Variants in COL25A1 observed in about 807,000 individuals in gnomAD.
COL25A1 encodes collagen type XXV alpha 1 chain.
COL25A1 carries 103 observed loss-of-function variants against 128.4 expected under a neutral mutation model. The ratio of observed to expected loss-of-function variants is 0.80; its 90% CI spans 0.68 to 0.94. The LOEUF (loss-of-function observed/expected upper bound fraction) is 0.94. Ranked by LOEUF, COL25A1 falls within the 40% of genes least tolerant of loss-of-function variation. COL25A1 has a pLI of 0.00. For synonymous variants in COL25A1, 279 were observed against 277.2 expected (o/e 1.01, Z -0.06); for missense variants, 745 against 840.0 (o/e 0.89, Z 1.40).
chr4:109,246,722 C>T (rs1261320775), intron 3 of COL25A1, among the ~76,000 whole-genome samples: 1 of 151,746 alleles, frequency 6.6e-6, no homozygotes, highest in Admixed American at 6.6e-5. Context: ...CTTTTTCTTA[C>T]CTATTCTGTG....
intron 3 of COL25A1, among the ~76,000 whole-genome samples, chr4:109,161,949 A>C (rs1003725807): frequency 6.6e-6 from 1 of 152,222 alleles, no homozygotes; most frequent in African/African-American, 2.4e-5. Flanking sequence ...CTAGTGAATC[A>C]TTCGGCAGCG....
At chr4:109,100,089 T>C (rs955929474) in intron 3 of COL25A1, among the ~76,000 whole-genome samples, 2 of 152,152 alleles carry the variant, frequency 1.3e-5, no homozygotes, top group African/African-American at 2.4e-5. Flanking sequence ...GGCACATCCA[T>C]ACACTGCTGT....
chr4:108,903,278 C>T (rs1743072646), intron 13 of COL25A1, among the ~76,000 whole-genome samples: 1 of 151,906 alleles, frequency 6.6e-6, no homozygotes, highest in Admixed American at 6.6e-5. Context: ...CCCCATCACT[C>T]TATAATAATT....
intron 5 of COL25A1, among the ~76,000 whole-genome samples, chr4:109,033,095 G>C (rs794145): frequency 0.51 from 77,017 of 152,188 alleles, 21,675 homozygotes; most frequent in African/African-American, 0.74. Context: ...GCAATCTTTT[G>C]AAAGCTTTTG....
intron 24 of COL25A1, among the ~76,000 whole-genome samples, chr4:108,858,416 G>T (rs1736769046): frequency 6.6e-6 from 1 of 152,086 alleles, no homozygotes; most frequent in Admixed American, 6.5e-5. Context: ...TTTGAAAAAG[G>T]AAATAGCAGC....
chr4:108,920,679 A>C, intron 11 of COL25A1, 75 bp from the exon 12 acceptor site: 1 of 954,830 alleles, frequency 1.0e-6, no homozygotes, highest in East Asian at 2.6e-5. Context: ...AAACTGTCCT[A>C]TTCTCTAAGA....
Position 108,817,834 on chromosome 4 carries a change from G to A in COL25A1, c.1924-399C>T, listed in dbSNP as rs28593505. On this transcript the variant is annotated intron_variant, in intron 36 of 37. Coordinates refer to ENST00000399132, the MANE Select transcript of COL25A1 (RefSeq NM_198721.4). ...CTCTTCCCGGTCACTATTAGACTATGGCTGAATTCATGATAATGATGAATA... is the reference window on the plus strand; with the variant it reads ...CTCTTCCCGGTCACTATTAGACTATAGCTGAATTCATGATAATGATGAATA... Among the ~76,000 whole-genome samples the A allele has an allele frequency of 4.4e-3, 664 of 152,052 alleles. 1 individual carries two copies. The highest frequency in any genetic ancestry group is 0.015 in the African/African-American group (628 of 41,494).
At chr4:109,100,518 T>C (rs920325286) in intron 3 of COL25A1, among the ~76,000 whole-genome samples, 2 of 152,138 alleles carry the variant, frequency 1.3e-5, no homozygotes, top group African/African-American at 4.8e-5. Flanking sequence ...ATTTTCATGC[T>C]GTCTGTGGGT....
At chr4:108,821,001 T>C (rs1731720641) in intron 35 of COL25A1, among the ~76,000 whole-genome samples, 1 of 152,182 alleles carries the variant, frequency 6.6e-6, no homozygotes, top group East Asian at 1.9e-4. Context: ...CTCAAAATAC[T>C]ATACAATACA....
chr4:109,132,988 G>A (rs1405938501), intron 3 of COL25A1, among the ~76,000 whole-genome samples: 1 of 151,942 alleles, frequency 6.6e-6, no homozygotes, highest in Non-Finnish European at 1.5e-5. Flanking sequence ...TTGATTTGTG[G>A]ACCTGACTTT....
intron 3 of COL25A1, among the ~76,000 whole-genome samples, chr4:109,074,127 GT>G (rs973088915): frequency 6.6e-6 from 1 of 152,148 alleles, no homozygotes; most frequent in Non-Finnish European, 1.5e-5. Flanking sequence ...TCCCTCACAT[GT>G]GCAGTTCCAC....
intron 3 of COL25A1, among the ~76,000 whole-genome samples, chr4:109,135,912 T>C (rs1334303701): frequency 6.6e-6 from 1 of 152,190 alleles, no homozygotes; most frequent in East Asian, 1.9e-4. Context: ...CTGTACAGAC[T>C]ATACGCAGCC....
chr4:108,844,549 T>C lies in COL25A1; in HGVS notation c.1599A>G (p.Pro533=), dbSNP rs760711214. The C allele has an allele frequency of 6.2e-7, 1 of 1,613,510 alleles. No homozygotes were observed. Residue 533 remains proline (P), a synonymous_variant, in exon 30 of 38, where the codon CCA becomes CCG. Coordinates refer to ENST00000399132, the MANE Select transcript of COL25A1 (RefSeq NM_198721.4). ...QGPSIIGPPG[P]PGPHGPPGPM... ...GGCCAGGTGGGCCATGGGGACCTGG[T>C]GGGCCTGGTGGGCCTATGATCTGTA...
At chr4:109,260,624 T>C (rs531133094) in intron 3 of COL25A1, among the ~76,000 whole-genome samples, 3 of 152,154 alleles carry the variant, frequency 2.0e-5, no homozygotes, top group South Asian at 2.1e-4. Context: ...GTCTCCTGCG[T>C]AGCTGGGACT....
chr4:109,147,548 G>A (rs980064105), intron 3 of COL25A1, among the ~76,000 whole-genome samples: 1 of 152,180 alleles, frequency 6.6e-6, no homozygotes, highest in African/African-American at 2.4e-5. Context: ...TGGGCATGGT[G>A]GTTCACGTCT....
chr4:108,857,890 T>C (rs577444319), intron 24 of COL25A1, among the ~76,000 whole-genome samples: 1 of 152,156 alleles, frequency 6.6e-6, no homozygotes, highest in Non-Finnish European at 1.5e-5. Context: ...AAGACTAAAA[T>C]CAACTATGGA....
intron 26 of COL25A1, among the ~76,000 whole-genome samples, chr4:108,849,643 G>A (rs1235286724): frequency 6.6e-6 from 1 of 152,146 alleles, no homozygotes; most frequent in Non-Finnish European, 1.5e-5. Flanking sequence ...GTATCAATGA[G>A]TCATTTATGT....
chr4:109,192,253 A>G (rs978507808), intron 3 of COL25A1, among the ~76,000 whole-genome samples: 1 of 152,208 alleles, frequency 6.6e-6, no homozygotes, highest in African/African-American at 2.4e-5. Context: ...TAAGGAAAAA[A>G]GATCTCGGCA....
At chr4:108,937,912 T>G (rs1747630903) in intron 10 of COL25A1, 69 bp from the exon 11 acceptor site, 1 of 1,299,258 alleles carries the variant, frequency 7.7e-7, no homozygotes, top group South Asian at 1.3e-5. Context: ...CAATCATTTT[T>G]TCTTCTTTGA....
Sources: allele counts gnomAD v4.1 joint callset (sites outside exome capture counted in the v4.1 genomes callset), GRCh38; gene constraint gnomAD v4.1.1; transcripts MANE v1.5; gene names NCBI Gene and HGNC (gene_info 2026-07-23, HGNC 2026-07-21).